The following SPIRE1 variants were observed in gnomAD, a reference collection of about 807,000 sequenced individuals.
SPIRE1 encodes protein spire homolog 1.
SPIRE1 carries 40 observed loss-of-function variants against 94.1 expected under a neutral mutation model. The observed-to-expected ratio is 0.43, with a 90% CI of 0.33 to 0.55. The LOEUF is 0.55. Ranked by LOEUF, SPIRE1 falls within the 20% of genes least tolerant of loss-of-function variation. The pLI is 0.06. For synonymous variants in SPIRE1, 376 were observed against 371.7 expected, an observed-to-expected ratio of 1.01 and a Z score of -0.13; for missense variants, 838 against 975.2, an observed-to-expected ratio of 0.86 and a Z score of 1.87.
At chr18:12,509,954 G>A (rs1236185090) in intron 5 of SPIRE1, among the ~76,000 whole-genome samples, 7 of 151,868 alleles carry the variant, frequency 4.6e-5, no homozygotes, top group Non-Finnish European at 8.8e-5. Flanking sequence ...GTGTGGTGGT[G>A]CGCACCTGTA....
At chr18:12,571,979 C>T (rs573998364) in intron 2 of SPIRE1, among the ~76,000 whole-genome samples, 3 of 152,294 alleles carry the variant, frequency 2.0e-5, no homozygotes, top group East Asian at 1.9e-4. Context: ...TCTGGGGTCA[C>T]GGAAGCCCCT....
chr18:12,534,494 A>C (rs910560072), intron 4 of SPIRE1, among the ~76,000 whole-genome samples: 2 of 152,216 alleles, frequency 1.3e-5, no homozygotes, highest in Admixed American at 6.5e-5. Context: ...AGAGGATACT[A>C]GTGTGTGAGT....
Position 12,559,012 on chromosome 18 carries a change from G to A in SPIRE1, c.373-12108C>T, listed in dbSNP as rs2035603425. Among the ~76,000 whole-genome samples, 1 of 152,206 alleles carries A rather than the reference G, an allele frequency of 6.6e-6. No individual in the cohort carries two copies. Among genetic ancestry groups the A allele is most frequent in the African/African-American group, 2.4e-5 (1 of 41,458 alleles). On this transcript the variant is annotated intron_variant, in intron 2 of 16. Coordinates refer to ENST00000409402, the MANE Select transcript of SPIRE1 (RefSeq NM_001128626.2). The surrounding 1 kb of genome is among the most constrained non-coding windows in gnomAD (Gnocchi z 4.7). ...CCCTACCCAACTCAGGAGCCCAGCT[G>A]GCTTCCCCTAGTGGATCCTGCACCA...
intron 2 of SPIRE1, among the ~76,000 whole-genome samples, chr18:12,617,644 C>A (rs887185293): frequency 6.6e-6 from 1 of 152,110 alleles, no homozygotes; most frequent in Non-Finnish European, 1.5e-5. Flanking sequence ...CTCCTGACCT[C>A]AGGTGATCCA....
intron 2 of SPIRE1, among the ~76,000 whole-genome samples, chr18:12,552,322 A>C (rs1181251067): frequency 6.6e-6 from 1 of 152,160 alleles, no homozygotes; most frequent in Non-Finnish European, 1.5e-5. Context: ...TGGCTAAAAG[A>C]GTACTTGCAC....
chr18:12,626,051 CA>C (rs397858954), intron 2 of SPIRE1, among the ~76,000 whole-genome samples: 1 of 134,614 alleles, frequency 7.4e-6, no homozygotes. Flanking sequence ...CGCCCCCCCC[CA>C]AAAAAAGGAA....
At chr18:12,459,977 G>C in intron 12 of SPIRE1, 1 of 914,688 alleles carries the variant, frequency 1.1e-6, no homozygotes, top group Non-Finnish European at 1.3e-6. Context: ...AAAAGAAAAG[G>C]AGAAAATAAT....
chr18:12,602,685 T>C (rs966138859), intron 2 of SPIRE1, among the ~76,000 whole-genome samples: 18 of 152,202 alleles, frequency 1.2e-4, no homozygotes, highest in African/African-American at 3.9e-4. Flanking sequence ...AACCCAGATA[T>C]AGGAGACATG....
intron 2 of SPIRE1, among the ~76,000 whole-genome samples, chr18:12,554,421 T>A (rs2035442950): frequency 6.6e-6 from 1 of 151,122 alleles, no homozygotes; most frequent in African/African-American, 2.4e-5. Flanking sequence ...CTTAGACACA[T>A]ACAACCTACC....
chr18:12,605,681 A>G (rs1445611937), intron 2 of SPIRE1, among the ~76,000 whole-genome samples: 1 of 152,218 alleles, frequency 6.6e-6, no homozygotes, highest in African/African-American at 2.4e-5. Flanking sequence ...TGAAACCTGT[A>G]TTTAATAACA....
intron 3 of SPIRE1, among the ~76,000 whole-genome samples, chr18:12,536,938 T>C (rs1484602764): frequency 2.6e-5 from 4 of 152,236 alleles, no homozygotes; most frequent in African/African-American, 9.6e-5. Context: ...AATACGCATC[T>C]TATTTTAATA....
chr18:12,555,443 C>T (rs1312379520), intron 2 of SPIRE1, among the ~76,000 whole-genome samples: 1 of 152,006 alleles, frequency 6.6e-6, no homozygotes, highest in Non-Finnish European at 1.5e-5. Context: ...CAACTGAATT[C>T]AACAACACAT....
intron 2 of SPIRE1, among the ~76,000 whole-genome samples, chr18:12,576,890 CAAA>C (rs398032016): frequency 1.1e-5 from 1 of 89,982 alleles, no homozygotes; most frequent in Non-Finnish European, 2.0e-5. Context: ...CTCTGTTTCA[CAAA>C]AAAAAAAAAA....
Position 12,448,279 on chromosome 18 carries a change from G to A in SPIRE1, c.*1359C>T, listed in dbSNP as rs553452085. The A allele has an allele frequency of 2.6e-5, 4 of 152,654 alleles. No homozygotes were observed. The highest frequency in any genetic ancestry group is 9.6e-5 in the African/African-American group (4 of 41,538). 9.5% of individuals were successfully genotyped at this position (152,654 alleles called of 1,614,324 possible). On this transcript the variant is annotated 3_prime_UTR_variant, in exon 17 of 17. Transcript: ENST00000409402. This position sits in a 1 kb window ranked among gnomAD's most constrained non-coding sequence, Gnocchi z 4.4. ...TTTTGATGTGGTATGAAATGCAGCC[G>A]CCATGCCTTTCATGAAACGGTGCTA... is the stretch of plus-strand genomic sequence containing the variant.
upstream of SPIRE1, among the ~76,000 whole-genome samples, chr18:12,659,565 G>A (rs1000018450): frequency 1.3e-4 from 20 of 152,136 alleles, no homozygotes; most frequent in Admixed American, 7.9e-4. Context: ...AGCTACCCGG[G>A]AGGCTGAGGC....
intron 12 of SPIRE1, among the ~76,000 whole-genome samples, chr18:12,463,016 T>A (rs2031928964): frequency 6.6e-6 from 1 of 152,048 alleles, no homozygotes. Flanking sequence ...TCACACCTCA[T>A]CCTCTTAAGC....
chr18:12,619,635 C>G (rs2037408490), intron 2 of SPIRE1, among the ~76,000 whole-genome samples: 1 of 151,730 alleles, frequency 6.6e-6, no homozygotes, highest in African/African-American at 2.4e-5. Context: ...ATCAGGAGGT[C>G]AGGAGTTTAA....
chr18:12,559,591 C>A lies in SPIRE1; in HGVS notation c.373-12687G>T, dbSNP rs559223439. 2.6e-3 allele frequency among the ~76,000 whole-genome samples: 390 copies of A among 152,308 alleles called. 1 individual carries two copies. Among genetic ancestry groups the A allele is most frequent in the African/African-American group, 9.0e-3 (374 of 41,580 alleles). On this transcript the variant is annotated intron_variant, in intron 2 of 16. Coordinates refer to ENST00000409402, the MANE Select transcript of SPIRE1 (RefSeq NM_001128626.2). This position sits in a 1 kb window ranked among gnomAD's most constrained non-coding sequence, Gnocchi z 4.7. ...AGCATGGCCAGAGTGGACGCCGTGG[C>A]CTGAGGAGGTGCCAAGAGCGAGCGA...
intron 1 of SPIRE1, among the ~76,000 whole-genome samples, chr18:12,636,863 G>C (rs566759270): frequency 6.6e-6 from 1 of 151,966 alleles, no homozygotes; most frequent in Admixed American, 6.6e-5. Flanking sequence ...TAATGCTTTT[G>C]GTAGTTAAGA....
Sources: gnomAD v4.1 joint callset for allele counts (sites outside exome capture counted in the v4.1 genomes callset) on GRCh38, gnomAD v4.1.1 for gene constraint, Gnocchi (gnomAD v3.1) non-coding constraint, MANE v1.5 for transcripts, NCBI Gene and HGNC (gene_info 2026-07-23, HGNC 2026-07-21) for gene names.